PRDM10: variants seen among roughly 807,000 people sequenced by gnomAD.
PRDM10 encodes PR/SET domain 10.
Under a neutral mutation model 133.1 loss-of-function variants are expected in PRDM10, and 65 were observed. The ratio of observed to expected loss-of-function variants is 0.49; its 90% CI spans 0.40 to 0.60. The LOEUF (loss-of-function observed/expected upper bound fraction) is 0.60, where lower values mean the gene tolerates loss of function less well. PRDM10 is among the 20% of genes least tolerant of loss of function. The pLI is 0.00. For synonymous variants in PRDM10, 582 were observed against 580.4 expected, an observed-to-expected ratio of 1.00 and a Z score of -0.04; for missense variants, 1,137 against 1,507.1, an observed-to-expected ratio of 0.75 and a Z score of 4.07.
At chr11:129,916,560 C>T (rs917420732) in intron 15 of PRDM10, among the ~76,000 whole-genome samples, 15 of 152,328 alleles carry the variant, frequency 9.8e-5, no homozygotes, top group Admixed American at 9.8e-4. Flanking sequence ...ATCGCTTGAA[C>T]CCAGGCGGAA....
chr11:129,990,522 C>CAAAAAAAAAA (rs59217112), intron 1 of PRDM10, among the ~76,000 whole-genome samples: 1 of 67,082 alleles, frequency 1.5e-5, no homozygotes, highest in Non-Finnish European at 3.2e-5. Flanking sequence ...ACTTTGTCTC[C>CAAAAAAAAAA]AAAAAAAAAA....
At chr11:129,992,797 A>G (rs538289347) in intron 1 of PRDM10, among the ~76,000 whole-genome samples, 1 of 152,348 alleles carries the variant, frequency 6.6e-6, no homozygotes, top group East Asian at 1.9e-4. Context: ...GGAACTGAAG[A>G]AGACATTGGA....
intron 11 of PRDM10, among the ~76,000 whole-genome samples, chr11:129,927,884 T>C (rs1950731432): frequency 6.6e-6 from 1 of 151,784 alleles, no homozygotes; most frequent in Non-Finnish European, 1.5e-5. Flanking sequence ...GAAGAAATCA[T>C]GACAAATGTC....
chr11:129,976,449 G>A (rs540789300), intron 1 of PRDM10, among the ~76,000 whole-genome samples: 2 of 152,298 alleles, frequency 1.3e-5, no homozygotes, highest in South Asian at 4.1e-4. Context: ...CTAGGCCCTG[G>A]TCTAAGCAGC....
chr11:129,927,176 CAAAAAAAAAAAAAAAAAAAAAAAAA>C (rs57015735), intron 11 of PRDM10, among the ~76,000 whole-genome samples: 1 of 79,362 alleles, frequency 1.3e-5, no homozygotes, highest in African/African-American at 4.3e-5. Flanking sequence ...GACTCTGTCT[CAAAAAAAAAAAAAAAAAAAAAAAAA>C]AAAAAAAAAA....
intron 3 of PRDM10, among the ~76,000 whole-genome samples, chr11:129,955,918 T>G (rs1951687379): frequency 6.6e-6 from 1 of 152,226 alleles, no homozygotes; most frequent in Non-Finnish European, 1.5e-5. Context: ...GTTCACAGGT[T>G]CACACATAAC....
At chr11:129,946,645 C>G (rs1951421903) in intron 5 of PRDM10, among the ~76,000 whole-genome samples, 1 of 152,088 alleles carries the variant, frequency 6.6e-6, no homozygotes, top group Non-Finnish European at 1.5e-5. Context: ...TGGCACAGCC[C>G]TGGGAAAGCT....
At chr11:129,992,888 G>A (rs949097615) in intron 1 of PRDM10, among the ~76,000 whole-genome samples, 4 of 152,194 alleles carry the variant, frequency 2.6e-5, no homozygotes, top group African/African-American at 9.6e-5. Flanking sequence ...AGCTACCTGT[G>A]TGTTCAGAAC....
intron 11 of PRDM10, among the ~76,000 whole-genome samples, chr11:129,930,252 A>G (rs912271135): frequency 6.6e-6 from 1 of 152,214 alleles, no homozygotes; most frequent in Non-Finnish European, 1.5e-5. Context: ...GTCTTTATGC[A>G]CTCAGCTGCC....
At chr11:129,957,940 T>C (rs761236757) in intron 2 of PRDM10, 30 bp from the exon 3 acceptor site, 1 of 1,588,456 alleles carries the variant, frequency 6.3e-7, no homozygotes, top group Non-Finnish European at 8.6e-7. Context: ...AAGAACAAAA[T>C]CAGTATCAGG....
chr11:129,950,572 G>T (rs536550268), intron 4 of PRDM10, among the ~76,000 whole-genome samples: 2 of 152,268 alleles, frequency 1.3e-5, no homozygotes, highest in South Asian at 4.1e-4. Context: ...AGCTGCTGTG[G>T]CCACCTCCCC....
intron 12 of PRDM10, 84 bp downstream of exon 12, chr11:129,924,798 C>T (rs1950625836): frequency 1.7e-6 from 2 of 1,192,368 alleles, no homozygotes; most frequent in African/African-American, 3.1e-5. Flanking sequence ...AATGCAGGTG[C>T]TAGGCAGTCT....
chr11:129,942,409 G>A lies in PRDM10; in HGVS notation c.966+17C>T. On this transcript the variant is annotated intron_variant, in intron 7 of 20. Coordinates refer to ENST00000360871, the MANE Select transcript of PRDM10 (RefSeq NM_199437.2). Reference sequence around the variant, plus strand: ...CTCTTGCTAGCAAATAGCAGCACGGGTCAGGCAGCACTGTACCTTCAGTTC... The same window carrying A: ...CTCTTGCTAGCAAATAGCAGCACGGATCAGGCAGCACTGTACCTTCAGTTC... The A allele has an allele frequency of 6.2e-7, 1 of 1,608,478 alleles. No homozygotes were observed. The highest frequency in any genetic ancestry group is 8.5e-7 in the Non-Finnish European group (1 of 1,175,784).
At chr11:129,912,996 G>A (rs1347156848) in intron 17 of PRDM10, among the ~76,000 whole-genome samples, 5 of 151,040 alleles carry the variant, frequency 3.3e-5, no homozygotes, top group Admixed American at 6.6e-5. Flanking sequence ...GGAGGCAGAG[G>A]TTGCAGTGAG....
chr11:129,929,372 T>C, intron 11 of PRDM10: 1 of 1,556,432 alleles, frequency 6.4e-7, no homozygotes, highest in Non-Finnish European at 8.7e-7. Context: ...GGCAAACAAG[T>C]AACATTCTGT....
chr11:129,964,705 T>C (rs1440164425), intron 1 of PRDM10, among the ~76,000 whole-genome samples: 4 of 152,258 alleles, frequency 2.6e-5, no homozygotes, highest in African/African-American at 7.2e-5. Flanking sequence ...TTCTAATATT[T>C]TGCAATTACA....
intron 11 of PRDM10, among the ~76,000 whole-genome samples, chr11:129,928,264 G>A (rs1474116368): frequency 4.0e-5 from 6 of 151,508 alleles, no homozygotes; most frequent in Non-Finnish European, 7.4e-5. Context: ...ATGCCACCAC[G>A]CCTGACTAAA....
Position 129,914,963 on chromosome 11 carries a change from T to C in PRDM10, c.2582A>G (p.Asn861Ser), listed in dbSNP as rs1429184172. 6.2e-7 allele frequency: 1 copy of C among 1,611,668 alleles called. No homozygotes were observed. Among genetic ancestry groups the C allele is most frequent in the African/African-American group, 1.3e-5 (1 of 74,860 alleles). Reference sequence around the variant, plus strand: ...TGTCGTCAGTGGTGTGTGTATGGTGTTGGAGAGCTGGGCGAACTCTGGATG... The same window carrying C: ...TGTCGTCAGTGGTGTGTGTATGGTGCTGGAGAGCTGGGCGAACTCTGGATG... ...KKHPEFAQLS[N>S]TIHTPLTTAV... Residue 861 changes from asparagine (N) to serine (S), a missense_variant, in exon 17 of 21, where the codon AAC becomes AGC. By Grantham distance (46) the Asn-to-Ser change is conservative. This residue lies in a region of PRDM10 where 113 missense variants were observed against 143.7 expected (regional missense o/e 0.79). Transcript: ENST00000360871.
At position 129,960,939 on chromosome 11, in the gene PRDM10, T is replaced by C. The variant is rs1951784614; in HGVS notation, c.26A>G (p.His9Arg). 6.2e-7 allele frequency: 1 copy of C among 1,614,040 alleles called. No individual in the cohort carries two copies. The highest frequency in any genetic ancestry group is 1.3e-5 in the African/African-American group (1 of 74,920). The change falls in exon 2 of 21, where the codon CAT (histidine) becomes CGT (arginine). Residue 9 changes from histidine (H) to arginine (R), a missense_variant. Around this residue, in one of 6 missense-constraint regions of PRDM10, gnomAD observed 635 missense variants for 835.2 expected, o/e 0.76. Coordinates refer to ENST00000360871, the MANE Select transcript of PRDM10 (RefSeq NM_199437.2). MDSKDESSHVWPTSAEHEQ... is the reference protein window; with the variant it reads MDSKDESSRVWPTSAEHEQ... ...ATGCTCTGCAGATGTCGGCCACACA[T>C]GCGAGCTTTCATCTTTGGAATCCAT...
Sources: allele counts gnomAD v4.1 joint callset (sites outside exome capture counted in the v4.1 genomes callset), GRCh38; gene constraint gnomAD v4.1.1; regional missense constraint gnomAD v4.1.1; transcripts MANE v1.5; gene names NCBI Gene and HGNC (gene_info 2026-07-23, HGNC 2026-07-21).